The following KAT6B variants were observed in gnomAD, a reference collection of about 807,000 sequenced individuals.
KAT6B encodes histone acetyltransferase KAT6B.
A neutral mutation model predicts 187.5 loss-of-function variants in KAT6B; 10 were observed. The ratio of observed to expected loss-of-function variants is 0.05; its 90% CI spans 0.03 to 0.09. KAT6B has a LOEUF of 0.09. Ranked by LOEUF, KAT6B falls within the 10% of genes least tolerant of loss-of-function variation. The probability of loss-of-function intolerance (pLI) is 1.00; values close to 1 mark genes in which losing one functional copy is unlikely to be tolerated. For synonymous variants in KAT6B, 861 were observed against 926.8 expected (o/e 0.93, Z 1.29); for missense variants, 1,952 against 2,558.9 (o/e 0.76, Z 5.12).
intron 3 of KAT6B, among the ~76,000 whole-genome samples, chr10:74,876,350 CT>C (rs909734477): frequency 6.6e-6 from 1 of 151,950 alleles, no homozygotes; most frequent in African/African-American, 2.4e-5. Flanking sequence ...ACTGGCATTA[CT>C]TTTTTTTCTC....
At chr10:74,884,148 A>G (rs1340311457) in intron 3 of KAT6B, among the ~76,000 whole-genome samples, 2 of 152,246 alleles carry the variant, frequency 1.3e-5, no homozygotes, top group Admixed American at 6.5e-5. Context: ...TTCTGAACTC[A>G]TAGAAGACTT....
At position 74,892,194 on chromosome 10, in the gene KAT6B, C is replaced by A. The variant is rs79492565; in HGVS notation, c.621+48716C>A. Among the ~76,000 whole-genome samples, 604 of 152,260 alleles carry A rather than the reference C, an allele frequency of 4.0e-3. 2 individuals carry two copies. The highest frequency in any genetic ancestry group is 6.8e-3 in the Middle Eastern group (2 of 294). Reference sequence around the variant, plus strand: ...ACCAGCCTGGGCAAAAAAGCAAGACCCAGTCTCTACACAAAGTAAACAAAT... The same window carrying A: ...ACCAGCCTGGGCAAAAAAGCAAGACACAGTCTCTACACAAAGTAAACAAAT... On this transcript the variant is annotated intron_variant, in intron 3 of 17. Coordinates refer to ENST00000287239, the MANE Select transcript of KAT6B (RefSeq NM_012330.4).
chr10:74,911,050 A>G (rs879727810), intron 3 of KAT6B, among the ~76,000 whole-genome samples: 3 of 152,208 alleles, frequency 2.0e-5, no homozygotes, highest in Non-Finnish European at 2.9e-5. Flanking sequence ...AAAATCCTCA[A>G]AGTAACTTTG....
chr10:74,924,257 C>T (rs895467187), intron 3 of KAT6B, among the ~76,000 whole-genome samples: 5 of 152,128 alleles, frequency 3.3e-5, no homozygotes, highest in African/African-American at 1.2e-4. Flanking sequence ...TTTGCTTTTA[C>T]CCTGAGTTTG....
In KAT6B at chr10:74,969,730, C is replaced by T. The variant is rs1459841520; in HGVS notation, c.801C>T (p.Ile267=). 9 of 1,613,872 alleles carry T rather than the reference C, an allele frequency of 5.6e-6. No individual in the cohort carries two copies. Among genetic ancestry groups the T allele is most frequent in the African/African-American group, 1.3e-5 (1 of 74,918 alleles). ...TAAAGGCCTTAAGGTGGCAGTGCAT[C>T]GAATGCAAGACATGCAGTGCCTGTA... ...TNVKALRWQC[I]ECKTCSACRV... is the part of the protein sequence containing the mutation. Residue 267 remains isoleucine (I), a synonymous_variant, in exon 5 of 18, where the codon ATC becomes ATT. Coordinates refer to ENST00000287239, the MANE Select transcript of KAT6B (RefSeq NM_012330.4).
At chr10:74,846,110 C>T (rs934427480) in intron 3 of KAT6B, among the ~76,000 whole-genome samples, 6 of 152,016 alleles carry the variant, frequency 3.9e-5, no homozygotes, top group African/African-American at 9.7e-5. Flanking sequence ...GACATCCTTC[C>T]GCCTCGGCCT....
At chr10:75,023,924 AT>A (rs1845625947) in intron 16 of KAT6B, among the ~76,000 whole-genome samples, 2 of 152,350 alleles carry the variant, frequency 1.3e-5, no homozygotes, top group Admixed American at 1.3e-4. Flanking sequence ...AACCAAGCAT[AT>A]TGAACCCTTC....
At chr10:74,841,653 C>A (rs879009451) in intron 2 of KAT6B, among the ~76,000 whole-genome samples, 1 of 152,078 alleles carries the variant, frequency 6.6e-6, no homozygotes, top group Non-Finnish European at 1.5e-5. Context: ...CATCTTCTCC[C>A]GAGCCTCAGT....
At chr10:74,862,078 A>G (rs1843226120) in intron 3 of KAT6B, among the ~76,000 whole-genome samples, 1 of 152,234 alleles carries the variant, frequency 6.6e-6, no homozygotes. Flanking sequence ...TCTTCTAAAT[A>G]CACATCCCAA....
chr10:74,996,004 A>C (rs2133923578), intron 13 of KAT6B, among the ~76,000 whole-genome samples: 1 of 152,316 alleles, frequency 6.6e-6, no homozygotes, highest in African/African-American at 2.4e-5. Flanking sequence ...AGGGAACACC[A>C]ACTGATTCAG....
At chr10:74,904,190 G>A (rs1012998899) in intron 3 of KAT6B, among the ~76,000 whole-genome samples, 1 of 152,202 alleles carries the variant, frequency 6.6e-6, no homozygotes, top group African/African-American at 2.4e-5. Flanking sequence ...TTCAATTACA[G>A]TGTAACACAT....
rs555684043 is a variant in KAT6B, at chr10:74,879,743, C to T, written c.621+36265C>T. On this transcript the variant is annotated intron_variant, in intron 3 of 17. Transcript: ENST00000287239. ...TTTTGTTTTTTCCTTCCTTTCTAAG[C>T]TTCTGGTGCTGACTAGTCTCCCCTT... Among the ~76,000 whole-genome samples the T allele has an allele frequency of 5.3e-5, 8 of 151,740 alleles. No homozygotes were observed. The South Asian group carries it at 1.7e-3, about 32-fold the overall frequency.
intron 3 of KAT6B, among the ~76,000 whole-genome samples, chr10:74,936,017 C>A (rs1450029466): frequency 6.6e-6 from 1 of 152,132 alleles, no homozygotes; most frequent in African/African-American, 2.4e-5. Flanking sequence ...TGCATACCTC[C>A]TTTAAAATCT....
Position 75,025,143 on chromosome 10 carries a change from G to A in KAT6B, c.3558G>A (p.Lys1186=). The part of the protein sequence containing the change: ...CEIEVEEDGR[K]PVLRKAFQHQ... ...TTGAAGTGGAGGAAGATGGCAGGAAGCCAGTCCTGAGAAAAGCATTCCAGC... is the reference window on the plus strand; with the variant it reads ...TTGAAGTGGAGGAAGATGGCAGGAAACCAGTCCTGAGAAAAGCATTCCAGC... The change falls in exon 17 of 18, where the codon AAG becomes AAA. Residue 1186 remains lysine (K), a synonymous_variant. Transcript: ENST00000287239. 1 of 1,614,230 alleles carries A rather than the reference G, an allele frequency of 6.2e-7. No homozygotes were observed. Among genetic ancestry groups the A allele is most frequent in the Non-Finnish European group, 8.5e-7 (1 of 1,180,036 alleles).
rs183417617 is a variant in KAT6B, at chr10:74,991,215, A to G, written c.2629+2103A>G. 3.3e-5 allele frequency among the ~76,000 whole-genome samples: 5 copies of G among 152,286 alleles called. No individual in the cohort carries two copies. In the East Asian group the frequency reaches 9.6e-4, roughly 29 times the overall value. ...TTCCAACTTCTCTGTATCCACTAGG[A>G]CAGTTTCCTTTATAATAATATGTAT... is the stretch of plus-strand genomic sequence containing the variant. On this transcript the variant is annotated intron_variant, in intron 13 of 17. Coordinates refer to ENST00000287239, the MANE Select transcript of KAT6B (RefSeq NM_012330.4).
At chr10:74,855,584 C>T (rs1418666934) in intron 3 of KAT6B, among the ~76,000 whole-genome samples, 2 of 152,148 alleles carry the variant, frequency 1.3e-5, no homozygotes, top group African/African-American at 4.8e-5. Flanking sequence ...AGTAAAGCAG[C>T]AGAAAACAGG....
chr10:75,017,565 T>G (rs369932752), intron 13 of KAT6B, among the ~76,000 whole-genome samples: 1 of 151,920 alleles, frequency 6.6e-6, no homozygotes, highest in Non-Finnish European at 1.5e-5. Flanking sequence ...ATCGAGCCCA[T>G]ATCGCACCAT....
chr10:74,954,358 T>G (rs1840527350), intron 3 of KAT6B, among the ~76,000 whole-genome samples: 2 of 152,172 alleles, frequency 1.3e-5, no homozygotes, highest in Admixed American at 1.3e-4. Flanking sequence ...GATACAGAGT[T>G]TCAGTTTTGC....
At chr10:74,884,431 C>A (rs1845084957) in intron 3 of KAT6B, among the ~76,000 whole-genome samples, 1 of 152,170 alleles carries the variant, frequency 6.6e-6, no homozygotes, top group South Asian at 2.1e-4. Flanking sequence ...TGAGACAAAT[C>A]TATTATTATA....
Sources: allele counts gnomAD v4.1 joint callset (sites outside exome capture counted in the v4.1 genomes callset), GRCh38; gene constraint gnomAD v4.1.1; transcripts MANE v1.5; gene names NCBI Gene and HGNC (gene_info 2026-07-23, HGNC 2026-07-21).